Variants in PTPRR observed in about 807,000 individuals in gnomAD.
PTPRR encodes receptor-type tyrosine-protein phosphatase R.
A neutral mutation model predicts 77.2 loss-of-function variants in PTPRR; 38 were observed. That is an observed-to-expected ratio of 0.49 (90% CI 0.38 to 0.65). PTPRR has a LOEUF of 0.65. Ranked by LOEUF, PTPRR falls within the 30% of genes least tolerant of loss-of-function variation. The pLI is 0.00. For missense variants in PTPRR, 744 were observed against 799.2 expected, an observed-to-expected ratio of 0.93 and a Z score of 0.83; for synonymous variants, 299 against 283.1, an observed-to-expected ratio of 1.06 and a Z score of -0.57.
At chr12:70,676,086 C>A (rs1030160429) in intron 10 of PTPRR, among the ~76,000 whole-genome samples, 6 of 151,810 alleles carry the variant, frequency 4.0e-5, no homozygotes, top group African/African-American at 1.2e-4. Flanking sequence ...AATATTACTT[C>A]TTTTCTCATA....
intron 6 of PTPRR, among the ~76,000 whole-genome samples, chr12:70,714,074 A>G (rs903583318): frequency 3.3e-5 from 5 of 152,056 alleles, no homozygotes; most frequent in African/African-American, 1.2e-4. Flanking sequence ...GCACTAAGTT[A>G]TTCTGAAGTA....
rs943429367 is a variant in PTPRR, at chr12:70,754,096, G to A, written c.738+95C>T. 28 of 1,172,424 alleles carry A rather than the reference G, an allele frequency of 2.4e-5. No individual in the cohort carries two copies. The Admixed American group carries it at 3.5e-4, about 15-fold the overall frequency. 72.6% of individuals were successfully genotyped at this position (1,172,424 alleles called of 1,614,324 possible). The stretch of plus-strand genomic sequence containing the variant: ...CAGGATCATAGTCTTCCTTCTGCTC[G>A]GAAGCATTTTAACATTCATTTGAAT... On this transcript the variant is annotated intron_variant, in intron 5 of 13. Coordinates refer to ENST00000283228, the MANE Select transcript of PTPRR (RefSeq NM_002849.4).
Position 70,699,735 on chromosome 12 carries a change from A to C in PTPRR, c.1195-1386T>G, listed in dbSNP as rs563046350. Reference sequence around the variant, plus strand: ...CCTGTTTGTTCCAAGTTATAAAAATAAGCAAAATTGTTGAATATTCAATGG... The same window carrying C: ...CCTGTTTGTTCCAAGTTATAAAAATCAGCAAAATTGTTGAATATTCAATGG... On this transcript the variant is annotated intron_variant, in intron 7 of 13. Transcript: ENST00000283228. Among the ~76,000 whole-genome samples the C allele has an allele frequency of 3.3e-5, 5 of 152,360 alleles. No homozygotes were observed. The South Asian group carries it at 1.0e-3, about 32-fold the overall frequency.
chr12:70,703,962 G>T (rs1888522497), intron 6 of PTPRR, among the ~76,000 whole-genome samples: 1 of 151,852 alleles, frequency 6.6e-6, no homozygotes, highest in Non-Finnish European at 1.5e-5. Context: ...GAATCTGGTA[G>T]GAAAAAAAGT....
intron 2 of PTPRR, among the ~76,000 whole-genome samples, chr12:70,825,056 G>A (rs916858998): frequency 5.3e-5 from 8 of 152,128 alleles, no homozygotes; most frequent in African/African-American, 1.9e-4. Context: ...AGGCTGAAGG[G>A]GGTGGATCAC....
rs779437998 is a variant in PTPRR, at chr12:70,745,993, G to T, written c.832C>A (p.Pro278Thr). Residue 278 changes from proline (P) to threonine (T), a missense_variant, in exon 6 of 14, where the codon CCA (proline) becomes ACA (threonine). By Grantham distance (38) the Pro-to-Thr change is conservative (BLOSUM62 -1). Coordinates refer to ENST00000283228, the MANE Select transcript of PTPRR (RefSeq NM_002849.4). ...EIHLSPITLQ[P>T]ALSEAKTVHS... ...ACTGTCTTTGCCTCGGACAGTGCTG[G>T]CTGTAATGTGATGGGCGATAGGTGG... The T allele has an allele frequency of 1.9e-6, 3 of 1,614,054 alleles. No homozygotes were observed. Among genetic ancestry groups the T allele is most frequent in the Non-Finnish European group, 2.5e-6 (3 of 1,179,980 alleles).
At position 70,820,712 on chromosome 12, in the gene PTPRR, C is replaced by T. The variant is rs117944661; in HGVS notation, c.358-55934G>A. On this transcript the variant is annotated intron_variant, in intron 2 of 13. Transcript: ENST00000283228. Reference sequence around the variant, plus strand: ...GAGTTTCAGCAAGAATCCTGTTAAGCCAGTTTAGAGAGAATCCCCACTTGG... The same window carrying T: ...GAGTTTCAGCAAGAATCCTGTTAAGTCAGTTTAGAGAGAATCCCCACTTGG... Among the ~76,000 whole-genome samples, 998 of 152,278 alleles carry T rather than the reference C, an allele frequency of 6.6e-3. 6 individuals are homozygous for T. The highest frequency in any genetic ancestry group is 7.4e-3 in the Non-Finnish European group (506 of 68,024).
At chr12:70,754,330 T>G in intron 4 of PTPRR, 29 bp from the exon 5 acceptor site, 1 of 1,611,204 alleles carries the variant, frequency 6.2e-7, no homozygotes, top group Non-Finnish European at 8.5e-7. Flanking sequence ...AAGTCCGACG[T>G]TAAATGAGAG....
At chr12:70,725,659 G>A (rs1490055352) in intron 6 of PTPRR, among the ~76,000 whole-genome samples, 1 of 151,636 alleles carries the variant, frequency 6.6e-6, no homozygotes, top group East Asian at 1.9e-4. Context: ...TTGTCCTTGT[G>A]GTACAAATGG....
intron 1 of PTPRR, among the ~76,000 whole-genome samples, chr12:70,899,608 C>T (rs1353334171): frequency 1.3e-5 from 2 of 151,426 alleles, no homozygotes; most frequent in African/African-American, 2.4e-5. Context: ...CCCCACAGTA[C>T]ACATTATGCT....
intron 2 of PTPRR, among the ~76,000 whole-genome samples, chr12:70,776,154 A>T (rs1046412099): frequency 1.3e-5 from 2 of 151,966 alleles, no homozygotes; most frequent in African/African-American, 4.8e-5. Context: ...TTCTCTTTCT[A>T]CATTCACATA....
chr12:70,887,726 C>A (rs1224318999), intron 2 of PTPRR, among the ~76,000 whole-genome samples: 2 of 151,936 alleles, frequency 1.3e-5, no homozygotes, highest in African/African-American at 4.8e-5. Context: ...AGAGAGAAGG[C>A]CAGAGCAGTT....
intron 13 of PTPRR, among the ~76,000 whole-genome samples, chr12:70,643,772 T>TG (rs1886096474): frequency 9.6e-6 from 1 of 104,692 alleles, no homozygotes; most frequent in Non-Finnish European, 1.9e-5. Context: ...TTTTTCTTAC[T>TG]TTTTTTTTCT....
intron 2 of PTPRR, among the ~76,000 whole-genome samples, chr12:70,888,383 C>G (rs913427599): frequency 6.6e-6 from 1 of 152,160 alleles, no homozygotes; most frequent in Non-Finnish European, 1.5e-5. Context: ...CCTTATCATT[C>G]TTTAATTTCT....
At chr12:70,889,560 C>T (rs1412167162) in intron 2 of PTPRR, among the ~76,000 whole-genome samples, 1 of 152,092 alleles carries the variant, frequency 6.6e-6, no homozygotes, top group African/African-American at 2.4e-5. Flanking sequence ...AATAGAATGT[C>T]TGTCTATATG....
chr12:70,710,375 C>T (rs1888781439), intron 6 of PTPRR, among the ~76,000 whole-genome samples: 1 of 152,148 alleles, frequency 6.6e-6, no homozygotes, highest in African/African-American at 2.4e-5. Flanking sequence ...TGGACTCCTT[C>T]CTTATATCAT....
intron 2 of PTPRR, among the ~76,000 whole-genome samples, chr12:70,887,752 A>G (rs763220519): frequency 4.6e-5 from 7 of 151,956 alleles, no homozygotes; most frequent in Non-Finnish European, 8.8e-5. Flanking sequence ...GGAGTCAAGG[A>G]GAGGTGGAGT....
chr12:70,761,464 AACAT>A lies in PTPRR; in HGVS notation c.627+3_627+6del. ...TTTTAAATGAATTGTTTCGTGCAAC[AACAT>A]ACCTCAGGAGAGACTTCTGTAATTC... On this transcript the variant is annotated splice_donor_5th_base_variant and intron_variant, in intron 4 of 13. Coordinates refer to ENST00000283228, the MANE Select transcript of PTPRR (RefSeq NM_002849.4). The A allele has an allele frequency of 6.3e-7, 1 of 1,583,358 alleles. No individual in the cohort carries two copies. The highest frequency in any genetic ancestry group is 8.6e-7 in the Non-Finnish European group (1 of 1,165,296).
In PTPRR at chr12:70,764,833, T is replaced by C. The variant is rs574184629; in HGVS notation, c.358-55A>G. The C allele has an allele frequency of 3.2e-5, 41 of 1,274,002 alleles. 1 individual carries two copies. Among genetic ancestry groups the C allele is most frequent in the South Asian group, 3.6e-5 (3 of 82,476 alleles). 78.9% of individuals were successfully genotyped at this position (1,274,002 alleles called of 1,614,324 possible). A position where few individuals can be genotyped will look rare whatever the true frequency, so the allele number is the denominator to read the frequency against. On this transcript the variant is annotated intron_variant, in intron 2 of 13. Transcript: ENST00000283228. The stretch of plus-strand genomic sequence containing the variant: ...ATTATAGTATTAATTTGTATAGATG[T>C]ATAGAATACATCCAAATAAGTATTA...
Sources: allele counts gnomAD v4.1 joint callset (sites outside exome capture counted in the v4.1 genomes callset), GRCh38; gene constraint gnomAD v4.1.1; transcripts MANE v1.5; gene names NCBI Gene and HGNC (gene_info 2026-07-23, HGNC 2026-07-21).